Variants in SRBD1 observed in about 807,000 individuals in gnomAD.
The protein encoded by SRBD1 is S1 RNA binding domain 1, also known as S1 RNA-binding domain-containing protein 1.
SRBD1 carries 88 observed loss-of-function variants against 115.3 expected under a neutral mutation model. The observed-to-expected ratio is 0.76, with a 90% CI of 0.64 to 0.91. SRBD1 has a LOEUF of 0.91. Ranked by LOEUF, SRBD1 falls within the 40% of genes least tolerant of loss-of-function variation. The pLI, the probability that SRBD1 is intolerant of heterozygous loss-of-function variation, is 0.00. For missense variants in SRBD1, 1,385 were observed against 1,177.4 expected, an observed-to-expected ratio of 1.18 and a Z score of -2.58; for synonymous variants, 509 against 407.7, an observed-to-expected ratio of 1.25 and a Z score of -2.99.
At chr2:45,400,098 T>TTA (rs1193911526) in intron 19 of SRBD1, among the ~76,000 whole-genome samples, 3 of 152,294 alleles carry the variant, frequency 2.0e-5, no homozygotes, top group African/African-American at 7.2e-5. Flanking sequence ...TTGAAAATGC[T>TTA]TAACATCTGC....
intron 6 of SRBD1, 124 bp from the exon 7 acceptor site, chr2:45,580,137 C>T (rs1201143486): frequency 1.3e-6 from 1 of 773,374 alleles, no homozygotes; most frequent in East Asian, 3.0e-5. Context: ...TTTTCCTCTT[C>T]CTTCAGAGAT....
At chr2:45,536,191 T>G (rs1671758089) in intron 14 of SRBD1, among the ~76,000 whole-genome samples, 1 of 152,020 alleles carries the variant, frequency 6.6e-6, no homozygotes, top group African/African-American at 2.4e-5. Context: ...AATCAGATAC[T>G]AGTTACTAGT....
At chr2:45,447,034 C>A (rs1469356135) in intron 16 of SRBD1, 1 of 152,200 alleles carries the variant, frequency 6.6e-6, no homozygotes, top group Non-Finnish European at 1.5e-5. Flanking sequence ...TTTCTATGTA[C>A]TACTAGTGTA....
intron 14 of SRBD1, among the ~76,000 whole-genome samples, chr2:45,542,286 G>C (rs1671967677): frequency 6.6e-6 from 1 of 152,376 alleles, no homozygotes; most frequent in Non-Finnish European, 1.5e-5. Flanking sequence ...CTCTGTTCTG[G>C]AGCGGGTGCT....
In SRBD1 at chr2:45,562,673, A is replaced by G; in HGVS notation, c.1389T>C (p.Cys463=). The G allele has an allele frequency of 6.2e-7, 1 of 1,608,190 alleles. No individual in the cohort carries two copies. The highest frequency in any genetic ancestry group is 8.5e-7 in the Non-Finnish European group (1 of 1,178,562). Residue 463 remains cysteine (C), a synonymous_variant, in exon 10 of 21, where the codon TGT becomes TGC. Transcript: ENST00000263736. ...NISDGVKDEF[C]RWCIQNRWRP... Reference sequence around the variant, plus strand: ...CAGACCTGTTTTGGATGCACCACCTACAGAATTCATCCTTCACTCCATCAG... The same window carrying G: ...CAGACCTGTTTTGGATGCACCACCTGCAGAATTCATCCTTCACTCCATCAG...
chr2:45,530,015 G>T (rs1049006058), intron 14 of SRBD1, among the ~76,000 whole-genome samples: 1 of 151,938 alleles, frequency 6.6e-6, no homozygotes, highest in African/African-American at 2.4e-5. Flanking sequence ...GCAGCAGCAT[G>T]GTTTAAACAA....
intron 16 of SRBD1, among the ~76,000 whole-genome samples, chr2:45,425,402 G>A (rs1164674704): frequency 6.6e-6 from 1 of 152,092 alleles, no homozygotes; most frequent in East Asian, 1.9e-4. Context: ...TTGCACAAAG[G>A]GGTGTGTATA....
chr2:45,501,977 G>A (rs984105384), intron 14 of SRBD1, among the ~76,000 whole-genome samples: 11 of 152,160 alleles, frequency 7.2e-5, no homozygotes, highest in South Asian at 4.2e-4. Flanking sequence ...ATCTGAGAAC[G>A]GACAGACTGC....
chr2:45,507,446 G>T (rs931905394), intron 14 of SRBD1, among the ~76,000 whole-genome samples: 4 of 152,064 alleles, frequency 2.6e-5, no homozygotes, highest in African/African-American at 9.7e-5. Flanking sequence ...GGCTGGGCGC[G>T]GCGGCTCACG....
At chr2:45,602,401 C>T (rs1674123392) in intron 2 of SRBD1, among the ~76,000 whole-genome samples, 1 of 152,212 alleles carries the variant, frequency 6.6e-6, no homozygotes, top group South Asian at 2.1e-4. Context: ...TTTACTGGGT[C>T]ATGTCAAACT....
At chr2:45,430,718 C>G (rs1034570807) in intron 16 of SRBD1, among the ~76,000 whole-genome samples, 2 of 152,152 alleles carry the variant, frequency 1.3e-5, no homozygotes, top group Non-Finnish European at 2.9e-5. Flanking sequence ...CGATACCATT[C>G]AGGACATAGG....
intron 16 of SRBD1, among the ~76,000 whole-genome samples, chr2:45,433,880 T>C (rs1668411614): frequency 6.6e-6 from 1 of 152,240 alleles, no homozygotes; most frequent in African/African-American, 2.4e-5. Flanking sequence ...TTTTATTTTG[T>C]AGATGCATAA....
intron 18 of SRBD1, among the ~76,000 whole-genome samples, chr2:45,414,080 A>G (rs1415318700): frequency 6.6e-6 from 1 of 152,222 alleles, no homozygotes; most frequent in African/African-American, 2.4e-5. Flanking sequence ...TCAGACTAGC[A>G]TCAGATTTCT....
chr2:45,460,888 T>C (rs950496945), intron 16 of SRBD1, among the ~76,000 whole-genome samples: 1 of 152,180 alleles, frequency 6.6e-6, no homozygotes, highest in African/African-American at 2.4e-5. Context: ...TACCTCAATC[T>C]GGGACTGTCC....
chr2:45,513,974 T>C (rs1247617184), intron 14 of SRBD1, among the ~76,000 whole-genome samples: 1 of 152,152 alleles, frequency 6.6e-6, no homozygotes, highest in Non-Finnish European at 1.5e-5. Context: ...AATCAGATGA[T>C]TTGGACTTAA....
rs1015743114 is a variant in SRBD1, at chr2:45,463,411, C to T, written c.2049+13582G>A. Among the ~76,000 whole-genome samples the T allele has an allele frequency of 3.3e-5, 5 of 152,248 alleles. No individual in the cohort carries two copies. The East Asian group carries it at 9.6e-4, about 29-fold the overall frequency. On this transcript the variant is annotated intron_variant, in intron 16 of 20. Transcript: ENST00000263736. ...CTGTGCTATTCTTAAAGATCATGATCAACTCACACTCCAACACACATATAT... is the reference window on the plus strand; with the variant it reads ...CTGTGCTATTCTTAAAGATCATGATTAACTCACACTCCAACACACATATAT...
In SRBD1 at chr2:45,485,357, CTTG is replaced by C. The variant is rs143341525; in HGVS notation, c.1966+2880_1966+2882del. The stretch of plus-strand genomic sequence containing the variant: ...CATCTATCTGCTTTAAGCTTCAAAT[CTTG>C]TTGTTGTTGTTGCTATCTCCTTTCC... On this transcript the variant is annotated intron_variant, in intron 15 of 20. Coordinates refer to ENST00000263736, the MANE Select transcript of SRBD1 (RefSeq NM_018079.5). 6.3e-3 allele frequency among the ~76,000 whole-genome samples: 961 copies of C among 152,244 alleles called. 8 individuals are homozygous for C. Among genetic ancestry groups the C allele is most frequent in the African/African-American group, 0.021 (887 of 41,540 alleles).
At position 45,388,858 on chromosome 2, in the gene SRBD1, A is replaced by C. The variant is rs1666917360; in HGVS notation, c.*452T>G. 1 of 154,458 alleles carries C rather than the reference A, an allele frequency of 6.5e-6. No homozygotes were observed. The highest frequency in any genetic ancestry group is 6.4e-5 in the Admixed American group (1 of 15,588). 9.6% of individuals were successfully genotyped at this position (154,458 alleles called of 1,614,324 possible). A position where few individuals can be genotyped will look rare whatever the true frequency, so the allele number is the denominator to read the frequency against. ...TTATGAATGAAGTCCAAAAGGCCTG[A>C]TTAAAAAAAAATCTATAAAATGGAA... is the stretch of plus-strand genomic sequence containing the variant. On this transcript the variant is annotated 3_prime_UTR_variant, in exon 21 of 21. Coordinates refer to ENST00000263736, the MANE Select transcript of SRBD1 (RefSeq NM_018079.5).
At chr2:45,584,380 T>A (rs1673452896) in intron 5 of SRBD1, among the ~76,000 whole-genome samples, 2 of 152,198 alleles carry the variant, frequency 1.3e-5, no homozygotes, top group African/African-American at 2.4e-5. Flanking sequence ...TTTGATTTAG[T>A]CATTTATATT....
Sources: gnomAD v4.1 joint callset for allele counts (sites outside exome capture counted in the v4.1 genomes callset) on GRCh38, gnomAD v4.1.1 for gene constraint, MANE v1.5 for transcripts, NCBI Gene and HGNC (gene_info 2026-07-23, HGNC 2026-07-21) for gene names.